The following TUBGCP5 variants were observed in gnomAD, a reference collection of about 807,000 sequenced individuals.
The protein encoded by TUBGCP5 is gamma-tubulin complex component 5.
A neutral mutation model predicts 134.7 loss-of-function variants in TUBGCP5; 98 were observed. That is an observed-to-expected ratio of 0.73 (90% confidence interval 0.62 to 0.86). TUBGCP5 has a LOEUF of 0.86. Among genes scored for constraint, TUBGCP5 ranks in the 40% least tolerant of loss-of-function variants. The pLI is 0.00. For missense variants in TUBGCP5, 1,150 were observed against 1,244.8 expected, an observed-to-expected ratio of 0.92 and a Z score of 1.15; for synonymous variants, 456 against 431.4, an observed-to-expected ratio of 1.06 and a Z score of -0.71.
chr15:22,989,253 C>T (rs73411370), intron 23 of TUBGCP5, among the ~76,000 whole-genome samples: 10,287 of 152,246 alleles, frequency 0.068, 450 homozygotes, highest in African/African-American at 0.11. Context: ...GCTACCATTC[C>T]GCCTTGTCTC....
chr15:23,014,031 T>C (rs1192087817), intron 13 of TUBGCP5, among the ~76,000 whole-genome samples: 2 of 152,164 alleles, frequency 1.3e-5, no homozygotes, highest in African/African-American at 2.4e-5. Context: ...CACTGCACTT[T>C]CAGACAGAGG....
intron 23 of TUBGCP5, among the ~76,000 whole-genome samples, chr15:22,987,258 G>C (rs1344096713): frequency 6.6e-6 from 1 of 151,700 alleles, no homozygotes; most frequent in Non-Finnish European, 1.5e-5. Context: ...CACTTGAATG[G>C]GGGAGGCGGA....
chr15:23,039,238 G>C (rs939689262), intron 1 of TUBGCP5, among the ~76,000 whole-genome samples, 160 bp downstream of exon 1: 9 of 151,856 alleles, frequency 5.9e-5, no homozygotes, highest in African/African-American at 1.9e-4. Flanking sequence ...GCGCTGGCCG[G>C]CGGGGAGCAG....
chr15:23,006,385 A>T, intron 16 of TUBGCP5, 33 bp from the exon 17 acceptor site: 3 of 1,489,570 alleles, frequency 2.0e-6, no homozygotes, highest in Non-Finnish European at 2.8e-6. Context: ...TAGTTTGTGA[A>T]AGCACTATGT....
chr15:23,015,931 G>A (rs887694728), intron 13 of TUBGCP5, among the ~76,000 whole-genome samples: 1 of 152,146 alleles, frequency 6.6e-6, no homozygotes, highest in African/African-American at 2.4e-5. Context: ...AGAAATCAAT[G>A]TAGAAATACA....
intron 19 of TUBGCP5, among the ~76,000 whole-genome samples, chr15:23,004,853 C>CAG (rs1199337442): frequency 6.6e-6 from 1 of 152,178 alleles, no homozygotes. Context: ...TCAGAACTCA[C>CAG]AGACCAGGTA....
At chr15:23,004,864 T>C (rs2064610843) in intron 19 of TUBGCP5, among the ~76,000 whole-genome samples, 1 of 152,174 alleles carries the variant, frequency 6.6e-6, no homozygotes, top group Admixed American at 6.5e-5. Context: ...AGACCAGGTA[T>C]AAACAGGTCT....
chr15:23,015,700 T>C (rs928054389), intron 13 of TUBGCP5, among the ~76,000 whole-genome samples: 1 of 152,140 alleles, frequency 6.6e-6, no homozygotes, highest in Admixed American at 6.5e-5. Flanking sequence ...TGTGCCACTG[T>C]TGCCACAAAC....
At chr15:22,985,202 AAT>A (rs148691324) in intron 23 of TUBGCP5, among the ~76,000 whole-genome samples, 8,999 of 151,086 alleles carry the variant, frequency 0.06, 314 homozygotes, top group Non-Finnish European at 0.079. Flanking sequence ...TTGTATAATT[AAT>A]AGTCTTTTGT....
At chr15:23,034,136 G>A (rs181129371) in intron 3 of TUBGCP5, among the ~76,000 whole-genome samples, 75 of 152,288 alleles carry the variant, frequency 4.9e-4, no homozygotes, top group Non-Finnish European at 7.4e-4. Flanking sequence ...GATAGTTTGC[G>A]CAAACAGTGT....
At chr15:22,984,209 TTATC>T (rs2063614278) in intron 23 of TUBGCP5, among the ~76,000 whole-genome samples, 2 of 152,218 alleles carry the variant, frequency 1.3e-5, no homozygotes. Flanking sequence ...CAATGAAGAA[TTATC>T]TATAGAAATG....
At chr15:22,991,347 C>T (rs1343365605) in intron 23 of TUBGCP5, among the ~76,000 whole-genome samples, 4 of 152,130 alleles carry the variant, frequency 2.6e-5, no homozygotes, top group Non-Finnish European at 2.9e-5. Context: ...CCGCCTGCCT[C>T]GGCCTCCCAA....
intron 6 of TUBGCP5, 36 bp from the exon 7 acceptor site, chr15:23,027,342 A>G (rs753598568): frequency 6.5e-7 from 1 of 1,534,942 alleles, no homozygotes; most frequent in Non-Finnish European, 9.0e-7. Flanking sequence ...TGAGTTAACA[A>G]CAACAAAATA....
intron 3 of TUBGCP5, among the ~76,000 whole-genome samples, chr15:23,033,881 A>T (rs2066445157): frequency 6.6e-6 from 1 of 152,076 alleles, no homozygotes; most frequent in African/African-American, 2.4e-5. Context: ...TCCTCTGTTC[A>T]AGTTTCTATT....
downstream of TUBGCP5, among the ~76,000 whole-genome samples, chr15:22,996,247 T>C (rs564566198): frequency 6.6e-6 from 1 of 152,318 alleles, no homozygotes; most frequent in Non-Finnish European, 1.5e-5. Context: ...TTGAAAATTA[T>C]TTGACATGCC....
chr15:23,008,861 G>C lies in TUBGCP5; in HGVS notation c.2165C>G (p.Ala722Gly). Residue 722 changes from alanine (A) to glycine (G), a missense_variant, in exon 16 of 23, where the codon GCT becomes GGT. Ala to Gly is a moderately conservative substitution (Grantham distance 60). This residue lies in a region of TUBGCP5 where 697 missense variants were observed against 850.1 expected (regional missense o/e 0.82). Coordinates refer to ENST00000615383, the MANE Select transcript of TUBGCP5 (RefSeq NM_052903.6). Reference sequence around the variant, plus strand: ...TTCCATTAAGAAAAAATTCCTCATAGCTTGCAAGTATTCTACCAACCTGAA... The same window carrying C: ...TTCCATTAAGAAAAAATTCCTCATACCTTGCAAGTATTCTACCAACCTGAA... ...KDYRLVEYLQ[A>G]MRNFFLMEGG... 2 of 1,574,196 alleles carry C rather than the reference G, an allele frequency of 1.3e-6. No individual in the cohort carries two copies. Among genetic ancestry groups the C allele is most frequent in the Non-Finnish European group, 1.7e-6 (2 of 1,167,656 alleles).
intron 17 of TUBGCP5, 40 bp downstream of exon 17, chr15:23,006,228 A>G (rs751712676): frequency 6.2e-7 from 1 of 1,609,570 alleles, no homozygotes; most frequent in Non-Finnish European, 8.5e-7. Context: ...TTTTAATGTT[A>G]GCAGAAAACA....
At position 23,036,891 on chromosome 15, in the gene TUBGCP5, G is replaced by T; in HGVS notation, c.309+6C>A. 6.5e-7 allele frequency: 1 copy of T among 1,529,004 alleles called. No individual in the cohort carries two copies. Among genetic ancestry groups the T allele is most frequent in the Non-Finnish European group, 9.0e-7 (1 of 1,108,488 alleles). The allele number at this position is 1,529,004 out of a possible 1,614,324, so 94.7% of individuals were successfully genotyped here. ...CACAGTGGAGATCTCATAATTGAAG[G>T]CATACCTTTATTTCCTTTATACTGG... On this transcript the variant is annotated splice_donor_region_variant and intron_variant, in intron 3 of 22. Transcript: ENST00000615383.
intron 14 of TUBGCP5, among the ~76,000 whole-genome samples, 161 bp from the exon 15 acceptor site, chr15:23,010,294 G>C (rs1419808142): frequency 6.6e-6 from 1 of 152,168 alleles, no homozygotes; most frequent in Non-Finnish European, 1.5e-5. Context: ...GAGTGAACCA[G>C]TCTCTTGAAG....
Sources: gnomAD v4.1 joint callset for allele counts (sites outside exome capture counted in the v4.1 genomes callset) on GRCh38, gnomAD v4.1.1 for gene constraint, gnomAD v4.1.1 regional missense constraint, MANE v1.5 for transcripts, NCBI Gene and HGNC (gene_info 2026-07-23, HGNC 2026-07-21) for gene names.